The following PODXL2 variants were observed in gnomAD, a reference collection of about 807,000 sequenced individuals.
PODXL2 encodes podocalyxin-like protein 2.
PODXL2 carries 17 observed loss-of-function variants against 53.4 expected under a neutral mutation model. That is an observed-to-expected ratio of 0.32 (90% confidence interval 0.22 to 0.48). The LOEUF (loss-of-function observed/expected upper bound fraction) is 0.48, where lower values mean the gene tolerates loss of function less well. Among genes scored for constraint, PODXL2 ranks in the 20% least tolerant of loss-of-function variants. PODXL2 has a pLI of 0.99. For missense variants in PODXL2, 673 were observed against 760.0 expected (o/e 0.89, Z 1.35); for synonymous variants, 311 against 306.7 (o/e 1.01, Z -0.15).
At chr3:127,647,101 G>A (rs1300271465) in intron 2 of PODXL2, among the ~76,000 whole-genome samples, 3 of 152,122 alleles carry the variant, frequency 2.0e-5, no homozygotes. Context: ...CCTTGAGTGT[G>A]CTGCTTTTCT....
At chr3:127,655,251 C>T (rs990306944) in intron 2 of PODXL2, among the ~76,000 whole-genome samples, 2 of 151,902 alleles carry the variant, frequency 1.3e-5, no homozygotes, top group Admixed American at 6.6e-5. Flanking sequence ...AGCCATAATA[C>T]AAAAATTAGC....
Position 127,651,132 on chromosome 3 carries a change from C to T in PODXL2, c.350-9246C>T, listed in dbSNP as rs188144542. ...TACGAAAATTAGCCAGATGTGGTTG[C>T]GGGCACTTTAATCCCAGCTACTCGG... On this transcript the variant is annotated intron_variant, in intron 2 of 7. Transcript: ENST00000342480. Among the ~76,000 whole-genome samples the T allele has an allele frequency of 7.2e-5, 11 of 152,240 alleles. No homozygotes were observed. The South Asian group carries it at 1.5e-3, about 20-fold the overall frequency.
At chr3:127,655,506 C>T (rs559692122) in intron 2 of PODXL2, among the ~76,000 whole-genome samples, 3 of 152,274 alleles carry the variant, frequency 2.0e-5, no homozygotes, top group Admixed American at 1.3e-4. Context: ...GCGGACTGTG[C>T]GCAGGGTCAC....
chr3:127,662,154 A>G, intron 3 of PODXL2, 83 bp from the exon 4 acceptor site: 4 of 1,218,170 alleles, frequency 3.3e-6, no homozygotes, highest in Non-Finnish European at 4.8e-6. Context: ...CAGCTTCCCA[A>G]AAGGCCTCCG....
intron 3 of PODXL2, 143 bp from the exon 4 acceptor site, chr3:127,662,094 G>T (rs533256248): frequency 6.1e-6 from 4 of 652,020 alleles, no homozygotes; most frequent in Non-Finnish European, 1.1e-5. Context: ...CCTCACAGAG[G>T]CTGTCAGCAG....
chr3:127,669,200 G>A lies in PODXL2; in HGVS notation c.1423G>A (p.Glu475Lys), dbSNP rs1056467886. ...GGGTGACATCCGCAGGAGCCTGGAG[G>A]AGGTAAGAGTGCAGGGACCTGGACC... The part of the protein sequence containing the change: ...MLGDIRRSLE[E>K]IGIQNYSTTS... Residue 475 changes from glutamate to lysine, a missense_variant and splice_region_variant, in exon 6 of 8, where the codon GAG becomes AAG. Physicochemically the swap from Glu to Lys is moderately conservative, Grantham distance 56. Coordinates refer to ENST00000342480, the MANE Select transcript of PODXL2 (RefSeq NM_015720.4). 4 of 1,604,712 alleles carry A rather than the reference G, an allele frequency of 2.5e-6. No homozygotes were observed. Among genetic ancestry groups the A allele is most frequent in the Non-Finnish European group, 3.4e-6 (4 of 1,175,108 alleles).
intron 1 of PODXL2, among the ~76,000 whole-genome samples, chr3:127,632,710 A>G (rs1366771214): frequency 6.6e-6 from 1 of 152,214 alleles, no homozygotes; most frequent in Non-Finnish European, 1.5e-5. Context: ...CATATCCCCT[A>G]AAGAACTTAG....
chr3:127,636,205 G>C (rs1191136653), intron 1 of PODXL2, among the ~76,000 whole-genome samples: 1 of 152,226 alleles, frequency 6.6e-6, no homozygotes, highest in Admixed American at 6.5e-5. Context: ...GGAGTCATTG[G>C]ATAACCCCTC....
chr3:127,672,182 TG>T, intron 7 of PODXL2, 85 bp from the exon 8 acceptor site: 1 of 1,092,910 alleles, frequency 9.1e-7, no homozygotes, highest in Non-Finnish European at 1.3e-6. Flanking sequence ...GGGAACCCCC[TG>T]GGTGGGGTTG....
rs2074772673 is a variant in PODXL2, at chr3:127,662,241, T to C, written c.1136T>C (p.Ile379Thr). The change falls in exon 4 of 8, where the codon ATC becomes ACC. Residue 379 changes from isoleucine to threonine, a missense_variant. This residue lies in a region of PODXL2 where 588 missense variants were observed against 668.3 expected (regional missense o/e 0.88). Coordinates refer to ENST00000342480, the MANE Select transcript of PODXL2 (RefSeq NM_015720.4). ...SRIPWDSTQVICKDWSNLAGK... is the reference protein window; with the variant it reads ...SRIPWDSTQVTCKDWSNLAGK... ...TCTTTCTGTCTCCTCGCACAGGTGA[T>C]CTGCAAGGACTGGAGCAATCTGGCT... 1 of 1,613,730 alleles carries C rather than the reference T, an allele frequency of 6.2e-7. No homozygotes were observed. Among genetic ancestry groups the C allele is most frequent in the African/African-American group, 1.3e-5 (1 of 74,928 alleles).
At chr3:127,649,541 C>T (rs2074676151) in intron 2 of PODXL2, among the ~76,000 whole-genome samples, 1 of 152,248 alleles carries the variant, frequency 6.6e-6, no homozygotes, top group Non-Finnish European at 1.5e-5. Flanking sequence ...GCATGAATGA[C>T]TTTGAATGTA....
At chr3:127,644,543 A>C (rs1425611593) in intron 2 of PODXL2, among the ~76,000 whole-genome samples, 2 of 150,994 alleles carry the variant, frequency 1.3e-5, no homozygotes, top group Non-Finnish European at 2.9e-5. Context: ...TCAGGACCAC[A>C]GTGGAGGGCC....
intron 4 of PODXL2, among the ~76,000 whole-genome samples, chr3:127,663,794 C>A (rs1184526423): frequency 6.6e-6 from 1 of 152,182 alleles, no homozygotes; most frequent in Admixed American, 6.5e-5. Flanking sequence ...TACATGAAGA[C>A]CACAGATGGG....
intron 2 of PODXL2, among the ~76,000 whole-genome samples, chr3:127,645,723 GAA>G (rs1472829731): frequency 6.6e-6 from 1 of 152,252 alleles, no homozygotes; most frequent in African/African-American, 2.4e-5. Flanking sequence ...GGACATGACA[GAA>G]GAGAAAGTGG....
In PODXL2 at chr3:127,672,654, C is replaced by T. The variant is rs945634239; in HGVS notation, c.*174C>T. 6.2e-6 allele frequency: 3 copies of T among 486,064 alleles called. No individual in the cohort carries two copies. Among genetic ancestry groups the T allele is most frequent in the Admixed American group, 8.7e-5 (2 of 22,896 alleles). 30.1% of individuals were successfully genotyped at this position (486,064 alleles called of 1,614,324 possible). A position where few individuals can be genotyped will look rare whatever the true frequency, so the allele number is the denominator to read the frequency against. On this transcript the variant is annotated 3_prime_UTR_variant, in exon 8 of 8. Coordinates refer to ENST00000342480, the MANE Select transcript of PODXL2 (RefSeq NM_015720.4). ...ACTTCACACGGCGGCTTCGGACCAA[C>T]TCCCTCACTCCCGCCCGAGGGGCAG...
At chr3:127,640,485 G>T (rs1383873869) in intron 2 of PODXL2, among the ~76,000 whole-genome samples, 1 of 152,074 alleles carries the variant, frequency 6.6e-6, no homozygotes, top group African/African-American at 2.4e-5. Context: ...TGGATCACTT[G>T]GGGTCAGGAG....
intron 6 of PODXL2, among the ~76,000 whole-genome samples, chr3:127,670,021 G>A (rs78432314): frequency 2.5e-3 from 380 of 152,322 alleles, no homozygotes; most frequent in African/African-American, 8.6e-3. Context: ...AGAGATGAGT[G>A]GTATAATGCT....
At chr3:127,658,304 T>G (rs1351868368) in intron 2 of PODXL2, among the ~76,000 whole-genome samples, 4 of 152,158 alleles carry the variant, frequency 2.6e-5, no homozygotes, top group Admixed American at 6.5e-5. Flanking sequence ...GCTCTCTCTG[T>G]GTGTTCTAAT....
intron 6 of PODXL2, among the ~76,000 whole-genome samples, chr3:127,669,763 G>A (rs1253397833): frequency 1.3e-5 from 2 of 152,204 alleles, no homozygotes; most frequent in Admixed American, 6.5e-5. Context: ...CCCACCCAGT[G>A]CAGTCTGCTG....
Sources: allele counts gnomAD v4.1 joint callset (sites outside exome capture counted in the v4.1 genomes callset), GRCh38; gene constraint gnomAD v4.1.1; regional missense constraint gnomAD v4.1.1; transcripts MANE v1.5; gene names NCBI Gene and HGNC (gene_info 2026-07-23, HGNC 2026-07-21).